Variants in NCAPH observed in about 807,000 individuals in gnomAD.
The protein encoded by NCAPH is condensin complex subunit 2.
NCAPH carries 38 observed loss-of-function variants against 85.5 expected under a neutral mutation model. The ratio of observed to expected loss-of-function variants is 0.44; its 90% CI spans 0.34 to 0.58. The LOEUF is 0.58. NCAPH is among the 20% of genes least tolerant of loss of function. NCAPH has a pLI of 0.01. For missense variants in NCAPH, 789 were observed against 916.6 expected (o/e 0.86, Z 1.80); for synonymous variants, 301 against 335.1 (o/e 0.90, Z 1.11).
intron 6 of NCAPH, among the ~76,000 whole-genome samples, chr2:96,348,337 C>G (rs796886134): frequency 2.6e-5 from 4 of 151,914 alleles, no homozygotes; most frequent in African/African-American, 7.2e-5. Flanking sequence ...CTACAGGCAC[C>G]CGCCACCATG....
rs114903732 is a variant in NCAPH at position 96,336,278 on chromosome 2, A to G, written c.19+430A>G. ...ATGCATTTATTTTTGCATCTATTCA[A>G]AAGTACTGAGCTCTCCCGTTGGGCG... On this transcript the variant is annotated intron_variant, in intron 1 of 17. Coordinates refer to ENST00000240423, the MANE Select transcript of NCAPH (RefSeq NM_015341.5). 4.5e-3 allele frequency among the ~76,000 whole-genome samples: 689 copies of G among 152,358 alleles called. 6 individuals carry two copies. The highest frequency in any genetic ancestry group is 0.016 in the African/African-American group (668 of 41,582).
At chr2:96,338,972 G>A (rs537735283) in intron 1 of NCAPH, among the ~76,000 whole-genome samples, 5 of 152,074 alleles carry the variant, frequency 3.3e-5, no homozygotes, top group Middle Eastern at 6.8e-3. Context: ...CACTGCGCCC[G>A]GCTCATTTTT....
intron 14 of NCAPH, 121 bp downstream of exon 14, chr2:96,366,179 C>T: frequency 8.7e-7 from 1 of 1,154,448 alleles, no homozygotes; most frequent in Non-Finnish European, 1.2e-6. Context: ...CTGTTGCTCT[C>T]CAAGTTTTAA....
In NCAPH at chr2:96,354,481, TC is replaced by T. The variant is rs1165103659; in HGVS notation, c.1208+94del. On this transcript the variant is annotated intron_variant, in intron 9 of 17. Coordinates refer to ENST00000240423, the MANE Select transcript of NCAPH (RefSeq NM_015341.5). ...TTTTTCTAATTAAAAAATTTTTCTT[TC>T]TTTTTTTTTCCCCCCCCAAAAATAG... is the stretch of plus-strand genomic sequence containing the variant. 18 of 1,115,886 alleles carry T rather than the reference TC, an allele frequency of 1.6e-5. No homozygotes were observed. The East Asian group carries it at 5.2e-4, about 32-fold the overall frequency. 69.1% of individuals were successfully genotyped at this position (1,115,886 alleles called of 1,614,324 possible).
rs2064805724 is a variant in NCAPH, at chr2:96,373,988, A to AAG, written c.*645_*646dup. The AAG allele has an allele frequency of 6.6e-6, 1 of 152,370 alleles. No homozygotes were observed. Among genetic ancestry groups the AAG allele is most frequent in the East Asian group, 1.9e-4 (1 of 5,190 alleles). 9.4% of individuals were successfully genotyped at this position (152,370 alleles called of 1,614,324 possible). ...GATGGTTTGCCTCGGAGGAGAATGG[A>AAG]AGAGAGAGATTGCTGACTGGACATT... On this transcript the variant is annotated 3_prime_UTR_variant, in exon 18 of 18. Transcript: ENST00000240423.
chr2:96,341,462 C>A (rs774479926), intron 1 of NCAPH, 180 bp from the exon 2 acceptor site: 22 of 706,340 alleles, frequency 3.1e-5, no homozygotes, highest in African/African-American at 5.4e-5. Flanking sequence ...AAACCTATGG[C>A]CTCCCCCCTG....
At chr2:96,352,412 G>A (rs2064457069) in intron 7 of NCAPH, among the ~76,000 whole-genome samples, 1 of 152,172 alleles carries the variant, frequency 6.6e-6, no homozygotes, top group Non-Finnish European at 1.5e-5. Flanking sequence ...CCCCATCCAG[G>A]GGGCCCTGAG....
At chr2:96,358,481 T>G (rs2064554141) in intron 9 of NCAPH, among the ~76,000 whole-genome samples, 1 of 152,178 alleles carries the variant, frequency 6.6e-6, no homozygotes, top group Non-Finnish European at 1.5e-5. Context: ...ATTCTCTTTT[T>G]TTTTTGAGAC....
chr2:96,369,166 G>A, intron 16 of NCAPH, 103 bp downstream of exon 16: 2 of 1,191,418 alleles, frequency 1.7e-6, no homozygotes, highest in Non-Finnish European at 2.4e-6. Flanking sequence ...CATTTATAGT[G>A]GCTGTTCTGT....
intron 10 of NCAPH, 124 bp from the exon 11 acceptor site, chr2:96,360,019 G>A: frequency 3.1e-6 from 2 of 646,880 alleles, no homozygotes; most frequent in South Asian, 1.7e-5. Flanking sequence ...CTGTTGTGAT[G>A]CTCAGACACA....
intron 13 of NCAPH, 136 bp from the exon 14 acceptor site, chr2:96,365,740 A>T: frequency 1.2e-6 from 1 of 836,340 alleles, no homozygotes; most frequent in Non-Finnish European, 2.0e-6. Flanking sequence ...GGCACCTAGA[A>T]GTTCATCGTA....
chr2:96,351,689 A>C (rs2064444799), intron 6 of NCAPH, 142 bp from the exon 7 acceptor site: 1 of 689,752 alleles, frequency 1.4e-6, no homozygotes, highest in South Asian at 3.2e-5. Flanking sequence ...AAAAAAACAA[A>C]AACAAACCAC....
chr2:96,351,667 CAA>C (rs368668931), intron 6 of NCAPH, among the ~76,000 whole-genome samples, 162 bp from the exon 7 acceptor site: 4 of 54,230 alleles, frequency 7.4e-5, no homozygotes, highest in Non-Finnish European at 3.7e-5. Flanking sequence ...GACTCCATCT[CAA>C]AAAAAAAAAA....
intron 13 of NCAPH, among the ~76,000 whole-genome samples, chr2:96,365,093 C>CG (rs949733213): frequency 3.3e-5 from 5 of 152,130 alleles, no homozygotes; most frequent in Admixed American, 3.3e-4. Flanking sequence ...AAGCCACCCC[C>CG]CATCTTTAGA....
Position 96,360,717 on chromosome 2 carries a change from C to G in NCAPH, c.1587+7C>G, listed in dbSNP as rs1474871038. The G allele has an allele frequency of 6.2e-7, 1 of 1,613,936 alleles. No individual in the cohort carries two copies. The highest frequency in any genetic ancestry group is 8.5e-7 in the Non-Finnish European group (1 of 1,179,942). ...CCTCAAACCAGGCACCAGGGTAAGC[C>G]TATTTCTTGGTTCCTTTAAGCACAC... On this transcript the variant is annotated splice_region_variant and intron_variant, in intron 12 of 17. Transcript: ENST00000240423.
At position 96,366,031 on chromosome 2, in the gene NCAPH, G is replaced by A. The variant is rs1256661920; in HGVS notation, c.1854G>A (p.Glu618=). The change falls in exon 14 of 18, where the codon GAG becomes GAA. Residue 618 remains glutamate (E), a synonymous_variant. Transcript: ENST00000240423. ...GATTAGACATCACAACATATGGGGA[G>A]TCAAACTTGGTAGCTGAGCCTCAGA... ...AQGLDITTYG[E]SNLVAEPQKV... The A allele has an allele frequency of 1.9e-6, 3 of 1,614,094 alleles. No individual in the cohort carries two copies. Among genetic ancestry groups the A allele is most frequent in the South Asian group, 2.2e-5 (2 of 91,078 alleles).
At chr2:96,349,155 G>T (rs1036665898) in intron 6 of NCAPH, among the ~76,000 whole-genome samples, 2 of 152,196 alleles carry the variant, frequency 1.3e-5, no homozygotes, top group South Asian at 4.1e-4. Context: ...AGAGCAGCAA[G>T]TAGGGCTGAT....
In NCAPH at chr2:96,360,648, C is replaced by T. The variant is rs1286202664; in HGVS notation, c.1525C>T (p.Pro509Ser). 1.2e-6 allele frequency: 2 copies of T among 1,614,150 alleles called. No homozygotes were observed. Among genetic ancestry groups the T allele is most frequent in the South Asian group, 1.1e-5 (1 of 91,084 alleles). The change falls in exon 12 of 18, where the codon CCT becomes TCT. Residue 509 changes from proline to serine, a missense_variant. By Grantham distance (74) the Pro-to-Ser change is moderately conservative. Coordinates refer to ENST00000240423, the MANE Select transcript of NCAPH (RefSeq NM_015341.5). The stretch of plus-strand genomic sequence containing the variant: ...CCAGAATTGGAGAGCTACCACCCTT[C>T]CTACAGATTTCAACTACAATGTTGA... ...ENQNWRATTL[P>S]TDFNYNVDTL... is the part of the protein sequence containing the mutation.
At chr2:96,360,778 A>T (rs2064596180) in intron 12 of NCAPH, 68 bp downstream of exon 12, 1 of 1,576,100 alleles carries the variant, frequency 6.3e-7, no homozygotes, top group South Asian at 1.1e-5. Flanking sequence ...ACAGTTAGGC[A>T]GTGCCTTTGA....
Sources: allele counts gnomAD v4.1 joint callset (sites outside exome capture counted in the v4.1 genomes callset), GRCh38; gene constraint gnomAD v4.1.1; transcripts MANE v1.5; gene names NCBI Gene and HGNC (gene_info 2026-07-23, HGNC 2026-07-21).